The following ZNF536 variants were observed in gnomAD, a reference collection of about 807,000 sequenced individuals.
ZNF536 encodes zinc finger protein 536.
Under a neutral mutation model 84.5 loss-of-function variants are expected in ZNF536, and 13 were observed. The ratio of observed to expected loss-of-function variants is 0.15; its 90% CI spans 0.10 to 0.24. The LOEUF is 0.24. Ranked by LOEUF, ZNF536 falls within the 10% of genes least tolerant of loss-of-function variation. The pLI is 1.00. For missense variants in ZNF536, 1,536 were observed against 1,747.5 expected (o/e 0.88, Z 2.16); for synonymous variants, 811 against 742.5 (o/e 1.09, Z -1.50).
intron 2 of ZNF536, among the ~76,000 whole-genome samples, chr19:30,533,552 C>A (rs989790381): frequency 3.3e-5 from 5 of 152,074 alleles, no homozygotes; most frequent in African/African-American, 1.2e-4. Flanking sequence ...ATGTGTTGTC[C>A]TTCATCTTTC....
intron 1 of ZNF536, among the ~76,000 whole-genome samples, chr19:30,580,839 G>A (rs547442425): frequency 2.0e-5 from 3 of 152,286 alleles, no homozygotes; most frequent in African/African-American, 7.2e-5. Context: ...CCCTGCTGGT[G>A]ACCCCACTGA....
At chr19:30,675,753 T>C (rs1460574300) in intron 1 of ZNF536, among the ~76,000 whole-genome samples, 1 of 152,220 alleles carries the variant, frequency 6.6e-6, no homozygotes, top group African/African-American at 2.4e-5. Flanking sequence ...AGCTATTCTT[T>C]CTTCAGAGGA....
rs1217719421 is a variant in ZNF536 at position 30,278,013 on chromosome 19, C to T, written c.-189-6059C>T. 5.3e-5 allele frequency among the ~76,000 whole-genome samples: 8 copies of T among 152,174 alleles called. No homozygotes were observed. The East Asian group carries it at 1.4e-3, about 26-fold the overall frequency. ...TCTCTCTGGGCCCTGTCCTCTCCTA[C>T]GCGGGCTTCGTGCTGGTGACTTGGG... is the stretch of plus-strand genomic sequence containing the variant. On this transcript the variant is annotated intron_variant, in intron 1 of 5. Transcript: ENST00000585628.
At chr19:30,263,983 G>T (rs935768268) in intron 1 of ZNF536, among the ~76,000 whole-genome samples, 1 of 152,170 alleles carries the variant, frequency 6.6e-6, no homozygotes, top group Non-Finnish European at 1.5e-5. Flanking sequence ...GGAACTTTCA[G>T]TTTTCACTTC....
intron 2 of ZNF536, among the ~76,000 whole-genome samples, chr19:30,302,457 C>T (rs1416383587): frequency 6.6e-6 from 1 of 152,168 alleles, no homozygotes; most frequent in African/African-American, 2.4e-5. Context: ...TTGTCACATG[C>T]AGAATCCTAT....
intron 2 of ZNF536, among the ~76,000 whole-genome samples, chr19:30,510,784 C>G (rs2055378747): frequency 6.6e-6 from 1 of 152,220 alleles, no homozygotes; most frequent in Admixed American, 6.5e-5. Context: ...TCCTCATCGC[C>G]TTGGACTGGG....
rs559565890 is a variant in ZNF536 at position 30,386,848 on chromosome 19, G to A, written c.-3+14292G>A. On this transcript the variant is annotated intron_variant, in intron 1 of 4. Coordinates refer to ENST00000355537, the MANE Select transcript of ZNF536 (RefSeq NM_014717.3). ...AAAGACACTTGGAAATTAGCCCTGC[G>A]TTTCACAGAACACTTCTATTACAGC... is the stretch of plus-strand genomic sequence containing the variant. Among the ~76,000 whole-genome samples, 5 of 152,332 alleles carry A rather than the reference G, an allele frequency of 3.3e-5. No homozygotes were observed. The East Asian group carries it at 5.8e-4, about 18-fold the overall frequency.
chr19:30,441,356 T>A (rs568665817), intron 1 of ZNF536, among the ~76,000 whole-genome samples: 119 of 152,330 alleles, frequency 7.8e-4, no homozygotes, highest in African/African-American at 2.8e-3. Flanking sequence ...AGTGCAGCTG[T>A]ATGGGGCTTG....
At chr19:30,635,804 C>T (rs1426539042) in intron 1 of ZNF536, among the ~76,000 whole-genome samples, 3 of 152,232 alleles carry the variant, frequency 2.0e-5, no homozygotes, top group East Asian at 1.9e-4. Flanking sequence ...CAGATCCATA[C>T]GCTGCCTCTT....
At chr19:30,447,578 A>G (rs371206913) in intron 2 of ZNF536, among the ~76,000 whole-genome samples, 28 of 152,338 alleles carry the variant, frequency 1.8e-4, no homozygotes, top group East Asian at 1.7e-3. Context: ...GTGAGGTCAC[A>G]CTACCTGGAG....
At chr19:30,563,334 C>T (rs568316663) in intron 1 of ZNF536, among the ~76,000 whole-genome samples, 13 of 152,276 alleles carry the variant, frequency 8.5e-5, no homozygotes, top group African/African-American at 2.6e-4. Context: ...TCAACAAGCC[C>T]ATTCTTGCGA....
intron 1 of ZNF536, among the ~76,000 whole-genome samples, chr19:30,674,413 G>A (rs2050678528): frequency 6.6e-6 from 1 of 152,226 alleles, no homozygotes; most frequent in African/African-American, 2.4e-5. Context: ...TTCTCTTGTG[G>A]ACCTTGGCTG....
chr19:30,344,020 G>A (rs1166495683), intron 2 of ZNF536, among the ~76,000 whole-genome samples: 1 of 152,020 alleles, frequency 6.6e-6, no homozygotes, highest in Admixed American at 6.5e-5. Flanking sequence ...AGCAAGCCAT[G>A]GCCTGTGGTG....
chr19:30,305,826 G>A (rs1188831121), intron 2 of ZNF536, among the ~76,000 whole-genome samples: 2 of 152,232 alleles, frequency 1.3e-5, no homozygotes, highest in Non-Finnish European at 2.9e-5. Context: ...GCTTCGGCAG[G>A]AGGGGCCAGC....
At chr19:30,564,911 G>A (rs981261745) in intron 1 of ZNF536, among the ~76,000 whole-genome samples, 11 of 152,160 alleles carry the variant, frequency 7.2e-5, no homozygotes, top group African/African-American at 1.9e-4. Flanking sequence ...GGGCCACAGA[G>A]CTGGGCTGGC....
intron 1 of ZNF536, among the ~76,000 whole-genome samples, chr19:30,579,210 T>C (rs1254596100): frequency 6.6e-6 from 1 of 152,214 alleles, no homozygotes; most frequent in African/African-American, 2.4e-5. Context: ...GAAAATGGCT[T>C]GCACCTGATC....
At chr19:30,318,565 C>A (rs1213478677) in intron 2 of ZNF536, among the ~76,000 whole-genome samples, 1 of 152,236 alleles carries the variant, frequency 6.6e-6, no homozygotes, top group African/African-American at 2.4e-5. Flanking sequence ...GAGCTTCAGT[C>A]TTTGTATCCA....
chr19:30,383,425 G>A (rs2049101662), intron 1 of ZNF536, among the ~76,000 whole-genome samples: 1 of 152,222 alleles, frequency 6.6e-6, no homozygotes, highest in Non-Finnish European at 1.5e-5. Context: ...GAACAACTGA[G>A]AAAGAGTTGC....
At chr19:30,599,683 T>C (rs1482264794) in intron 1 of ZNF536, among the ~76,000 whole-genome samples, 2 of 152,092 alleles carry the variant, frequency 1.3e-5, no homozygotes, top group East Asian at 3.9e-4. Context: ...TTTCTAACCG[T>C]ATAAAAAGTG....
Sources: allele counts gnomAD v4.1 joint callset (sites outside exome capture counted in the v4.1 genomes callset), GRCh38; gene constraint gnomAD v4.1.1; transcripts MANE v1.5; gene names NCBI Gene and HGNC (gene_info 2026-07-23, HGNC 2026-07-21).